ZNF610: variants seen among roughly 807,000 people sequenced by gnomAD.
ZNF610 encodes zinc finger protein 610, also known as zink finger protein.
In ZNF610, 14 loss-of-function variants were observed where a neutral mutation model predicts 14.1. The observed-to-expected ratio is 0.99, with a 90% CI of 0.65 to 1.55. ZNF610 has a LOEUF of 1.55. ZNF610 is among the 40% of genes most tolerant of loss of function. The pLI is 0.00. For missense variants in ZNF610, 530 were observed against 558.0 expected (o/e 0.95, Z 0.51); for synonymous variants, 185 against 187.6 (o/e 0.99, Z 0.11).
chr19:52,357,474 T>C (rs1176097920), intron 5 of ZNF610, among the ~76,000 whole-genome samples: 1 of 151,722 alleles, frequency 6.6e-6, no homozygotes, highest in Non-Finnish European at 1.5e-5. Flanking sequence ...TGAAACCCCG[T>C]CTTTACTAAA....
chr19:52,358,124 G>A (rs1985616876), intron 5 of ZNF610, among the ~76,000 whole-genome samples: 1 of 152,060 alleles, frequency 6.6e-6, no homozygotes. Context: ...TGTCTTTCAG[G>A]TTCATCCATT....
upstream of ZNF610, among the ~76,000 whole-genome samples, chr19:52,334,401 T>C (rs181489273): frequency 6.0e-3 from 207 of 34,290 alleles, 5 homozygotes; most frequent in East Asian, 0.061. Flanking sequence ...TAGTCCCAGC[T>C]ACTCGGGAGG....
intron 3 of ZNF610, among the ~76,000 whole-genome samples, chr19:52,349,876 A>C (rs1191470100): frequency 2.6e-5 from 4 of 152,204 alleles, no homozygotes; most frequent in Admixed American, 1.3e-4. Flanking sequence ...GCCTGAAGTC[A>C]CATATTAATG....
intron 5 of ZNF610, among the ~76,000 whole-genome samples, chr19:52,365,237 CAAAAA>C (rs371290297): frequency 9.6e-6 from 1 of 104,342 alleles, no homozygotes; most frequent in Non-Finnish European, 2.1e-5. Context: ...GACTCCGTCT[CAAAAA>C]AAAAAAAAAA....
At chr19:52,338,967 A>G (rs1224092515) in intron 1 of ZNF610, among the ~76,000 whole-genome samples, 5 of 152,002 alleles carry the variant, frequency 3.3e-5, no homozygotes, top group African/African-American at 4.8e-5. Flanking sequence ...ATTGATCACT[A>G]TCTCTACCAT....
chr19:52,360,794 G>A (rs1985738487), intron 5 of ZNF610, among the ~76,000 whole-genome samples: 1 of 152,220 alleles, frequency 6.6e-6, no homozygotes, highest in South Asian at 2.1e-4. Context: ...TTAATATACT[G>A]CTGAACTTGC....
At chr19:52,340,828 A>T (rs967082965) in intron 1 of ZNF610, among the ~76,000 whole-genome samples, 1 of 151,964 alleles carries the variant, frequency 6.6e-6, no homozygotes, top group Non-Finnish European at 1.5e-5. Context: ...CTACAGGCAC[A>T]CGCCACCACG....
intron 1 of ZNF610, chr19:52,347,157 A>G (rs1212631127): frequency 3.9e-5 from 6 of 152,228 alleles, no homozygotes; most frequent in Admixed American, 1.3e-4. Flanking sequence ...TGACAGCTCC[A>G]TACATGTTAT....
intron 1 of ZNF610, among the ~76,000 whole-genome samples, chr19:52,345,866 A>G (rs530845313): frequency 1.0e-4 from 15 of 150,620 alleles, no homozygotes; most frequent in South Asian, 8.4e-4. Flanking sequence ...CACCACGCCC[A>G]GCTAATTTTT....
intron 3 of ZNF610, among the ~76,000 whole-genome samples, chr19:52,352,830 T>C (rs1985322911): frequency 7.9e-6 from 1 of 127,036 alleles, no homozygotes; most frequent in Non-Finnish European, 1.7e-5. Context: ...TTGTTTAATA[T>C]CATGTTTTTT....
At chr19:52,357,045 T>C (rs1985555846) in intron 5 of ZNF610, among the ~76,000 whole-genome samples, 1 of 152,188 alleles carries the variant, frequency 6.6e-6, no homozygotes, top group African/African-American at 2.4e-5. Flanking sequence ...CAGTCTCCAA[T>C]ACTGCCCCCT....
chr19:52,360,144 C>T (rs1307895036), intron 5 of ZNF610, among the ~76,000 whole-genome samples: 1 of 152,144 alleles, frequency 6.6e-6, no homozygotes. Context: ...TTCTTTCCCC[C>T]AGACATAAAG....
intron 3 of ZNF610, among the ~76,000 whole-genome samples, chr19:52,350,415 C>T (rs1313704298): frequency 2.6e-5 from 4 of 152,146 alleles, no homozygotes; most frequent in East Asian, 3.9e-4. Flanking sequence ...TGGTGGCTCA[C>T]GCCTGTAATC....
At chr19:52,350,716 T>C (rs990474693) in intron 3 of ZNF610, among the ~76,000 whole-genome samples, 18 of 151,782 alleles carry the variant, frequency 1.2e-4, no homozygotes, top group African/African-American at 4.1e-4. Flanking sequence ...TACAGCATTA[T>C]AAGGCTGGAC....
chr19:52,337,153 G>T (rs571279879), intron 1 of ZNF610, among the ~76,000 whole-genome samples: 3 of 152,114 alleles, frequency 2.0e-5, no homozygotes, highest in Admixed American at 2.0e-4. Context: ...TTGGGAGAGG[G>T]GCAGAAAGGG....
intron 1 of ZNF610, among the ~76,000 whole-genome samples, chr19:52,339,174 A>G (rs758459287): frequency 1.3e-5 from 2 of 151,944 alleles, no homozygotes; most frequent in African/African-American, 2.4e-5. Flanking sequence ...GTTTTCTCCT[A>G]TCTCAGTAAA....
At chr19:52,355,564 G>A (rs1378977165) in intron 5 of ZNF610, among the ~76,000 whole-genome samples, 2 of 152,234 alleles carry the variant, frequency 1.3e-5, no homozygotes, top group African/African-American at 4.8e-5. Context: ...CTGTCTACCT[G>A]GAGTTAGAAT....
At chr19:52,333,245 C>T (rs1018887682), upstream of ZNF610, among the ~76,000 whole-genome samples, 42 of 152,306 alleles carry the variant, frequency 2.8e-4, no homozygotes, top group Non-Finnish European at 4.6e-4. Context: ...TAAGAAAAAA[C>T]GCATTAGAAG....
At chr19:52,356,394 C>G (rs144703803) in intron 5 of ZNF610, among the ~76,000 whole-genome samples, 14 of 152,304 alleles carry the variant, frequency 9.2e-5, no homozygotes, top group Non-Finnish European at 1.8e-4. Flanking sequence ...TTTGTTCAAA[C>G]CACTGTTACT....
Sources: allele counts gnomAD v4.1 joint callset (sites outside exome capture counted in the v4.1 genomes callset), GRCh38; gene constraint gnomAD v4.1.1; transcripts MANE v1.5; gene names NCBI Gene and HGNC (gene_info 2026-07-23, HGNC 2026-07-21).